FAM169A: variants seen among roughly 807,000 people sequenced by gnomAD.
FAM169A encodes the protein family with sequence similarity 169 member A, also known as soluble lamin-associated protein of 75 kDa.
FAM169A carries 24 observed loss-of-function variants against 75.7 expected under a neutral mutation model. The ratio of observed to expected loss-of-function variants is 0.32; its 90% confidence interval spans 0.23 to 0.45. The LOEUF (loss-of-function observed/expected upper bound fraction) is 0.45. FAM169A is among the 20% of genes least tolerant of loss of function. The pLI is 1.00. For missense variants in FAM169A, 673 were observed against 784.0 expected, an observed-to-expected ratio of 0.86 and a Z score of 1.69; for synonymous variants, 271 against 271.0, an observed-to-expected ratio of 1.00 and a Z score of 0.00.
intron 5 of FAM169A, among the ~76,000 whole-genome samples, chr5:74,823,275 A>G (rs1747854633): frequency 1.3e-5 from 2 of 152,148 alleles, no homozygotes; most frequent in South Asian, 2.1e-4. Flanking sequence ...AATATGCCCT[A>G]AACTTTCATG....
chr5:74,854,973 C>T (rs571184412), intron 1 of FAM169A, among the ~76,000 whole-genome samples: 20 of 152,164 alleles, frequency 1.3e-4, no homozygotes, highest in Middle Eastern at 6.8e-3. Context: ...TGGGTATATA[C>T]CAAGCAGTGG....
At chr5:74,837,235 T>C (rs1447909869) in intron 4 of FAM169A, among the ~76,000 whole-genome samples, 29 of 152,198 alleles carry the variant, frequency 1.9e-4, no homozygotes, top group Admixed American at 1.9e-3. Flanking sequence ...CTTTTCACTA[T>C]CAGAACTGTT....
chr5:74,825,817 T>G (rs983091428), intron 5 of FAM169A, among the ~76,000 whole-genome samples: 5 of 152,170 alleles, frequency 3.3e-5, no homozygotes, highest in African/African-American at 1.2e-4. Context: ...TCTCACTTTA[T>G]GGAGGCTTTC....
intron 5 of FAM169A, among the ~76,000 whole-genome samples, chr5:74,815,353 C>T (rs1484018912): frequency 6.6e-6 from 1 of 151,904 alleles, no homozygotes; most frequent in Non-Finnish European, 1.5e-5. Flanking sequence ...CCACACCTGG[C>T]TAATTTTTAT....
chr5:74,838,858 A>C, intron 4 of FAM169A, 107 bp downstream of exon 4: 1 of 817,494 alleles, frequency 1.2e-6, no homozygotes, highest in Non-Finnish European at 2.1e-6. Flanking sequence ...GGTTTAATAT[A>C]ACCTGATTAT....
At position 74,813,836 on chromosome 5, in the gene FAM169A, T is replaced by C; in HGVS notation, c.670+4A>G. 3 of 1,533,884 alleles carry C rather than the reference T, an allele frequency of 2.0e-6. No homozygotes were observed. The highest frequency in any genetic ancestry group is 2.6e-6 in the Non-Finnish European group (3 of 1,147,752). On this transcript the variant is annotated splice_donor_region_variant and intron_variant, in intron 6 of 12. Transcript: ENST00000687041. ...TTTATTATTTTTTAACTTAGTCCAT[T>C]TACCTGTATACATGAGAGAAGACAG...
At chr5:74,850,495 T>C (rs1303568273) in intron 1 of FAM169A, among the ~76,000 whole-genome samples, 1 of 152,168 alleles carries the variant, frequency 6.6e-6, no homozygotes, top group Non-Finnish European at 1.5e-5. Context: ...AAAAGCAAAA[T>C]CCAGCTATAT....
chr5:74,820,372 A>G (rs750025713), intron 5 of FAM169A, among the ~76,000 whole-genome samples: 29 of 152,248 alleles, frequency 1.9e-4, no homozygotes, highest in Non-Finnish European at 3.2e-4. Flanking sequence ...TAAAAACAAA[A>G]TATCAACTTA....
intron 6 of FAM169A, among the ~76,000 whole-genome samples, chr5:74,810,955 C>T (rs975066322): frequency 2.0e-5 from 3 of 146,976 alleles, no homozygotes; most frequent in East Asian, 2.0e-4. Context: ...GGACTACAGG[C>T]GCACACCACT....
At chr5:74,809,161 A>C (rs895615935) in intron 6 of FAM169A, among the ~76,000 whole-genome samples, 1 of 152,214 alleles carries the variant, frequency 6.6e-6, no homozygotes, top group African/African-American at 2.4e-5. Context: ...ATAAAGAATA[A>C]ACAGTAGGAT....
At chr5:74,820,713 C>G (rs1371647095) in intron 5 of FAM169A, among the ~76,000 whole-genome samples, 1 of 152,198 alleles carries the variant, frequency 6.6e-6, no homozygotes, top group African/African-American at 2.4e-5. Context: ...CCCCTGCACC[C>G]AGTTTCCCAC....
At chr5:74,800,788 A>G (rs1746532196) in intron 10 of FAM169A, 92 bp downstream of exon 10, 1 of 394,196 alleles carries the variant, frequency 2.5e-6, no homozygotes, top group South Asian at 1.2e-4. Flanking sequence ...AGTATATATT[A>G]TATATAAAAT....
intron 7 of FAM169A, 89 bp from the exon 8 acceptor site, chr5:74,804,694 G>GAGCA: frequency 4.4e-6 from 3 of 688,954 alleles, no homozygotes; most frequent in Non-Finnish European, 7.3e-6. Flanking sequence ...AAGCTCTGAA[G>GAGCA]AGCAGCCTGG....
chr5:74,827,584 C>A (rs1379740156), intron 5 of FAM169A, among the ~76,000 whole-genome samples: 1 of 151,276 alleles, frequency 6.6e-6, no homozygotes, highest in Non-Finnish European at 1.5e-5. Flanking sequence ...AATCAAAACA[C>A]ATATATCGGG....
intron 6 of FAM169A, among the ~76,000 whole-genome samples, chr5:74,812,909 G>A: frequency 6.6e-6 from 1 of 152,142 alleles, no homozygotes; most frequent in East Asian, 1.9e-4. Flanking sequence ...ATATAATATT[G>A]CTTATGGGAA....
chr5:74,799,934 C>T, intron 10 of FAM169A: 1 of 841,840 alleles, frequency 1.2e-6, no homozygotes, highest in Non-Finnish European at 2.1e-6. Context: ...CGACTGAGGG[C>T]TCCAACATGG....
intron 1 of FAM169A, among the ~76,000 whole-genome samples, chr5:74,857,428 G>T (rs749180413): frequency 1.4e-4 from 22 of 151,850 alleles, no homozygotes; most frequent in Non-Finnish European, 3.1e-4. Context: ...GTACGCACCT[G>T]TAGTCCCAGC....
chr5:74,866,410 T>C (rs1422884067), upstream of FAM169A: 70 of 977,004 alleles, frequency 7.2e-5, no homozygotes, highest in South Asian at 2.7e-3. Flanking sequence ...CCTCCAGCCT[T>C]CGCTTCCGCT....
At chr5:74,786,118 T>C (rs12187244) in intron 11 of FAM169A, among the ~76,000 whole-genome samples, 28,884 of 152,204 alleles carry the variant, frequency 0.19, 3,198 homozygotes, top group Non-Finnish European at 0.25. Context: ...CTTTCTCCTG[T>C]GCTGGATGAT....
Sources: gnomAD v4.1 joint callset for allele counts (sites outside exome capture counted in the v4.1 genomes callset) on GRCh38, gnomAD v4.1.1 for gene constraint, MANE v1.5 for transcripts, NCBI Gene and HGNC (gene_info 2026-07-23, HGNC 2026-07-21) for gene names.